The following FAM135B variants were observed in gnomAD, a reference collection of about 807,000 sequenced individuals.
FAM135B encodes the protein family with sequence similarity 135 member B.
FAM135B carries 43 observed loss-of-function variants against 127.7 expected under a neutral mutation model. The ratio of observed to expected loss-of-function variants is 0.34; its 90% CI spans 0.26 to 0.43. FAM135B has a LOEUF of 0.43. FAM135B is among the 20% of genes least tolerant of loss of function. The pLI, the probability that FAM135B is intolerant of heterozygous loss-of-function variation, is 1.00. For synonymous variants in FAM135B, 670 were observed against 665.1 expected, an observed-to-expected ratio of 1.01 and a Z score of -0.11; for missense variants, 1,558 against 1,725.6, an observed-to-expected ratio of 0.90 and a Z score of 1.72.
intron 3 of FAM135B, among the ~76,000 whole-genome samples, chr8:138,279,067 A>T (rs1222112669): frequency 6.6e-6 from 1 of 152,188 alleles, no homozygotes; most frequent in Admixed American, 6.5e-5. Context: ...GCTTGCCCAA[A>T]TGACCAATCC....
At chr8:138,211,760 C>T (rs1818159626) in intron 7 of FAM135B, among the ~76,000 whole-genome samples, 1 of 152,164 alleles carries the variant, frequency 6.6e-6, no homozygotes, top group African/African-American at 2.4e-5. Flanking sequence ...TCATTTATTG[C>T]CTCCACTATA....
chr8:138,268,467 G>T (rs1823115235), intron 3 of FAM135B, among the ~76,000 whole-genome samples: 1 of 151,868 alleles, frequency 6.6e-6, no homozygotes, highest in Non-Finnish European at 1.5e-5. Flanking sequence ...GGCTTTCTGG[G>T]TCAACTCCTC....
At chr8:138,181,583 C>T (rs779916146) in intron 9 of FAM135B, among the ~76,000 whole-genome samples, 2 of 152,150 alleles carry the variant, frequency 1.3e-5, no homozygotes, top group South Asian at 2.1e-4. Context: ...GGTCTCCCTG[C>T]GCACCTTCCC....
chr8:138,282,214 T>A (rs975653125), intron 3 of FAM135B, among the ~76,000 whole-genome samples: 2 of 152,210 alleles, frequency 1.3e-5, no homozygotes, highest in African/African-American at 4.8e-5. Flanking sequence ...AAAAGTAATC[T>A]ACCATCCCAG....
intron 17 of FAM135B, 88 bp from the exon 18 acceptor site, chr8:138,139,184 A>T: frequency 1.4e-6 from 1 of 724,922 alleles, no homozygotes; most frequent in Non-Finnish European, 2.3e-6. Context: ...TGAACGTTAA[A>T]CTGAATTTTA....
chr8:138,457,641 T>C (rs1392619622), intron 1 of FAM135B, among the ~76,000 whole-genome samples: 1 of 152,192 alleles, frequency 6.6e-6, no homozygotes, highest in African/African-American at 2.4e-5. Flanking sequence ...CTTTATGCTT[T>C]ATAGGATTTA....
chr8:138,144,369 C>T (rs1341921410), intron 15 of FAM135B: 2 of 152,244 alleles, frequency 1.3e-5, no homozygotes, highest in African/African-American at 4.8e-5. Context: ...TGAGATCGCA[C>T]CATTGCACTC....
intron 3 of FAM135B, among the ~76,000 whole-genome samples, chr8:138,301,685 G>A (rs944681204): frequency 9.2e-5 from 14 of 152,186 alleles, no homozygotes; most frequent in Non-Finnish European, 1.5e-5. Flanking sequence ...CTTGGAGTGT[G>A]CATCTTAGCA....
intron 3 of FAM135B, among the ~76,000 whole-genome samples, chr8:138,297,117 C>T (rs910699719): frequency 1.2e-4 from 18 of 152,230 alleles, no homozygotes; most frequent in South Asian, 4.2e-4. Context: ...CATCATGTCA[C>T]GTGATCAGAC....
chr8:138,392,213 C>T (rs1359423897), intron 1 of FAM135B, among the ~76,000 whole-genome samples: 1 of 152,226 alleles, frequency 6.6e-6, no homozygotes, highest in Non-Finnish European at 1.5e-5. Flanking sequence ...CATCTTCTGG[C>T]CCCAGGCCCG....
At chr8:138,416,039 G>A (rs571131622) in intron 1 of FAM135B, among the ~76,000 whole-genome samples, 1 of 152,048 alleles carries the variant, frequency 6.6e-6, no homozygotes, top group East Asian at 1.9e-4. Flanking sequence ...TTCATGCCTG[G>A]TCCTCAATTT....
chr8:138,198,733 C>G (rs1816863669), intron 7 of FAM135B, among the ~76,000 whole-genome samples: 1 of 152,214 alleles, frequency 6.6e-6, no homozygotes, highest in Non-Finnish European at 1.5e-5. Context: ...CTACAGTGCA[C>G]TTGGAGACCT....
chr8:138,432,950 T>C (rs371209040), intron 1 of FAM135B, among the ~76,000 whole-genome samples: 3 of 152,022 alleles, frequency 2.0e-5, no homozygotes, highest in African/African-American at 4.8e-5. Context: ...GGAATGACAA[T>C]GGAACATTGT....
At position 138,497,008 on chromosome 8, in the gene FAM135B, G is replaced by A. The variant is rs915720128; in HGVS notation, c.-357C>T. ...CAGGCGCCAGGACGCGAGGCTGTCA[G>A]CGCGGTCGGGGGAACGCAGCCGCCA... On this transcript the variant is annotated 5_prime_UTR_variant, in exon 1 of 20. Coordinates refer to ENST00000395297, the MANE Select transcript of FAM135B (RefSeq NM_015912.4). 6.6e-6 allele frequency among the ~76,000 whole-genome samples: 1 copy of A among 152,010 alleles called. No individual in the cohort carries two copies. Among genetic ancestry groups the A allele is most frequent in the African/African-American group, 2.4e-5 (1 of 41,424 alleles).
At position 138,141,066 on chromosome 8, in the gene FAM135B, T is replaced by C; in HGVS notation, c.3790+132A>G. 7.4e-6 allele frequency: 6 copies of C among 813,888 alleles called. No individual in the cohort carries two copies. Among genetic ancestry groups the C allele is most frequent in the South Asian group, 1.8e-5 (1 of 55,264 alleles). 50.4% of individuals were successfully genotyped at this position (813,888 alleles called of 1,614,324 possible). A position where few individuals can be genotyped will look rare whatever the true frequency, so the allele number is the denominator to read the frequency against. ...AGGGCCACACCTCTAAGGCCAGGAC[T>C]CCTCCCTCCATGCCATGCTTGGAAA... On this transcript the variant is annotated intron_variant, in intron 17 of 19. Transcript: ENST00000395297. The surrounding 1 kb of genome is among the most constrained non-coding windows in gnomAD (Gnocchi z 4.7).
intron 2 of FAM135B, among the ~76,000 whole-genome samples, chr8:138,332,102 G>A (rs1414771161): frequency 6.6e-6 from 1 of 152,138 alleles, no homozygotes; most frequent in Non-Finnish European, 1.5e-5. Context: ...TGGATCATCT[G>A]GCTCTGAGTC....
At chr8:138,175,397 T>C (rs565975635) in intron 11 of FAM135B, among the ~76,000 whole-genome samples, 39 of 152,334 alleles carry the variant, frequency 2.6e-4, no homozygotes, top group African/African-American at 8.9e-4. Context: ...ACAATATTCT[T>C]GTATGTCATG....
chr8:138,208,000 A>C (rs1817833099), intron 7 of FAM135B, among the ~76,000 whole-genome samples: 1 of 152,090 alleles, frequency 6.6e-6, no homozygotes, highest in Non-Finnish European at 1.5e-5. Context: ...TTGGTTCAGC[A>C]CTCATTTGGG....
intron 7 of FAM135B, among the ~76,000 whole-genome samples, chr8:138,236,029 T>G (rs1266386894): frequency 6.6e-6 from 1 of 152,142 alleles, no homozygotes; most frequent in Non-Finnish European, 1.5e-5. Flanking sequence ...GGAGGCTCAA[T>G]GTGCAGGCTG....
Sources: allele counts gnomAD v4.1 joint callset (sites outside exome capture counted in the v4.1 genomes callset), GRCh38; gene constraint gnomAD v4.1.1; non-coding constraint Gnocchi (gnomAD v3.1); transcripts MANE v1.5; gene names NCBI Gene and HGNC (gene_info 2026-07-23, HGNC 2026-07-21).